VTI1A: variants seen among roughly 807,000 people sequenced by gnomAD.
The protein encoded by VTI1A is vesicle transport through interaction with t-SNAREs 1A, also known as vesicle transport through interaction with t-SNAREs homolog 1A.
A neutral mutation model predicts 34.9 loss-of-function variants in VTI1A; 22 were observed. The ratio of observed to expected loss-of-function variants is 0.63; its 90% CI spans 0.45 to 0.90. VTI1A has a LOEUF of 0.90. Ranked by LOEUF, VTI1A falls within the 40% of genes least tolerant of loss-of-function variation. VTI1A has a pLI of 0.00. For missense variants in VTI1A, 268 were observed against 275.6 expected, an observed-to-expected ratio of 0.97 and a Z score of 0.20; for synonymous variants, 87 against 97.3, an observed-to-expected ratio of 0.89 and a Z score of 0.62.
chr10:112,590,319 TAGAC>T (rs759828418), intron 5 of VTI1A, among the ~76,000 whole-genome samples: 62 of 151,624 alleles, frequency 4.1e-4, no homozygotes, highest in East Asian at 1.7e-3. Flanking sequence ...GATAGATAGA[TAGAC>T]AGACAGACAG....
At chr10:112,759,039 C>T (rs77658687) in intron 7 of VTI1A, among the ~76,000 whole-genome samples, 1,678 of 152,284 alleles carry the variant, frequency 0.011, 31 homozygotes, top group African/African-American at 0.037. Context: ...GATGAGTCTC[C>T]TGCCCTGTTC....
At chr10:112,699,742 C>G (rs150032814) in intron 7 of VTI1A, among the ~76,000 whole-genome samples, 3 of 151,492 alleles carry the variant, frequency 2.0e-5, no homozygotes, top group Admixed American at 2.0e-4. Context: ...GAGGCAGAAT[C>G]GCTTGAACCC....
intron 3 of VTI1A, among the ~76,000 whole-genome samples, chr10:112,486,736 G>A (rs1249063542): frequency 7.9e-6 from 1 of 126,522 alleles, no homozygotes; most frequent in Non-Finnish European, 1.6e-5. Flanking sequence ...GTAACAAAAA[G>A]TGCAAATAAC....
intron 3 of VTI1A, among the ~76,000 whole-genome samples, chr10:112,480,456 A>G (rs1332338208): frequency 6.6e-6 from 1 of 152,214 alleles, no homozygotes; most frequent in African/African-American, 2.4e-5. Context: ...GGTAAGCACA[A>G]TTACAGAGGT....
chr10:112,719,609 C>T (rs1200813593), intron 7 of VTI1A, among the ~76,000 whole-genome samples: 1 of 151,344 alleles, frequency 6.6e-6, no homozygotes, highest in African/African-American at 2.4e-5. Flanking sequence ...TGCAATGGTG[C>T]GATCTCGGCT....
chr10:112,736,918 C>T (rs1850502553), intron 7 of VTI1A: 1 of 655,428 alleles, frequency 1.5e-6, no homozygotes, highest in Admixed American at 2.3e-5. Flanking sequence ...TGCATGAGTA[C>T]TTGGCAAGGA....
At chr10:112,781,130 A>T (rs1852112111) in intron 7 of VTI1A, among the ~76,000 whole-genome samples, 1 of 151,950 alleles carries the variant, frequency 6.6e-6, no homozygotes, top group African/African-American at 2.4e-5. Flanking sequence ...AGTTTAGTAG[A>T]GGCGGGGTTT....
chr10:112,832,120 A>G, the VTI1A span: 1 of 152,092 alleles, frequency 6.6e-6, no homozygotes. Flanking sequence ...AGGCTGTTTG[A>G]TGTGTTCTAG....
intron 7 of VTI1A, among the ~76,000 whole-genome samples, chr10:112,720,818 G>A (rs1449503395): frequency 6.6e-6 from 1 of 152,162 alleles, no homozygotes; most frequent in African/African-American, 2.4e-5. Flanking sequence ...AATTAGGAAA[G>A]CAAGGACCTA....
intron 4 of VTI1A, among the ~76,000 whole-genome samples, chr10:112,530,864 C>T (rs756384060): frequency 7.2e-5 from 11 of 152,024 alleles, no homozygotes; most frequent in Non-Finnish European, 1.3e-4. Context: ...CAAATCTGTT[C>T]GTTACGTGCT....
At chr10:112,694,318 G>A (rs1042193236) in intron 7 of VTI1A, among the ~76,000 whole-genome samples, 1 of 152,078 alleles carries the variant, frequency 6.6e-6, no homozygotes, top group Non-Finnish European at 1.5e-5. Context: ...TATTTTGCTA[G>A]TACCTTGCTA....
chr10:112,648,183 C>T (rs1846877124), intron 5 of VTI1A, among the ~76,000 whole-genome samples: 1 of 152,220 alleles, frequency 6.6e-6, no homozygotes, highest in Non-Finnish European at 1.5e-5. Flanking sequence ...TTTTTCTCCT[C>T]TGTTGGACTC....
chr10:112,545,537 G>A (rs569348372), intron 5 of VTI1A, among the ~76,000 whole-genome samples: 5 of 152,156 alleles, frequency 3.3e-5, no homozygotes, highest in East Asian at 3.9e-4. Flanking sequence ...TTAAACATAC[G>A]TTGTCATTTT....
chr10:112,553,773 A>C (rs1366153177), intron 5 of VTI1A, among the ~76,000 whole-genome samples: 1 of 152,218 alleles, frequency 6.6e-6, no homozygotes, highest in Admixed American at 6.5e-5. Flanking sequence ...GAATGGTGCT[A>C]CTTAGATGCA....
At chr10:112,663,682 G>A (rs1017922013) in intron 5 of VTI1A, among the ~76,000 whole-genome samples, 2 of 152,180 alleles carry the variant, frequency 1.3e-5, no homozygotes, top group Non-Finnish European at 2.9e-5. Flanking sequence ...TGCCCAGGAA[G>A]CTATGCTAAA....
chr10:112,648,970 A>G (rs1846905524), intron 5 of VTI1A, among the ~76,000 whole-genome samples: 1 of 152,010 alleles, frequency 6.6e-6, no homozygotes, highest in East Asian at 1.9e-4. Context: ...CAAATATTTT[A>G]TTTTTATTTA....
chr10:112,480,869 G>C (rs1476252845), intron 3 of VTI1A, among the ~76,000 whole-genome samples: 1 of 152,126 alleles, frequency 6.6e-6, no homozygotes, highest in African/African-American at 2.4e-5. Flanking sequence ...ATTGGCATGG[G>C]GTGCAACTTG....
intron 5 of VTI1A, among the ~76,000 whole-genome samples, chr10:112,603,213 C>G (rs1844943288): frequency 6.6e-6 from 1 of 152,176 alleles, no homozygotes; most frequent in Non-Finnish European, 1.5e-5. Context: ...AAATTGCAAG[C>G]ATGAGTATAA....
chr10:112,554,799 A>G (rs1851487359), intron 5 of VTI1A, among the ~76,000 whole-genome samples: 1 of 151,842 alleles, frequency 6.6e-6, no homozygotes, highest in East Asian at 1.9e-4. Context: ...CCCACTCTCT[A>G]CCTCTCCCTA....
Sources: gnomAD v4.1 joint callset for allele counts (sites outside exome capture counted in the v4.1 genomes callset) on GRCh38, gnomAD v4.1.1 for gene constraint, MANE v1.5 for transcripts, NCBI Gene and HGNC (gene_info 2026-07-23, HGNC 2026-07-21) for gene names.